Variants in FMN1 observed in about 807,000 individuals in gnomAD.
FMN1 encodes formin-1.
Under a neutral mutation model 132.4 loss-of-function variants are expected in FMN1, and 110 were observed. The observed-to-expected ratio is 0.83, with a 90% CI of 0.71 to 0.97. The LOEUF is 0.97. FMN1 is among the 50% of genes least tolerant of loss of function. The probability of loss-of-function intolerance (pLI) is 0.00; values close to 1 mark genes in which losing one functional copy is unlikely to be tolerated. For synonymous variants in FMN1, 722 were observed against 651.7 expected, an observed-to-expected ratio of 1.11 and a Z score of -1.64; for missense variants, 1,792 against 1,705.3, an observed-to-expected ratio of 1.05 and a Z score of -0.90.
rs916674626 is a variant in FMN1 at position 32,777,481 on chromosome 15, T to C, written c.4131-562A>G. On this transcript the variant is annotated intron_variant, in intron 19 of 20. Transcript: ENST00000616417. The stretch of plus-strand genomic sequence containing the variant: ...TTATATATTACGTATATTTATATAT[T>C]ATATTTATATATTACGTATAACATA... 1.0e-4 allele frequency among the ~76,000 whole-genome samples: 13 copies of C among 125,666 alleles called. 4 individuals are homozygous for C. Among genetic ancestry groups the C allele is most frequent in the Non-Finnish European group, 1.9e-4 (10 of 53,650 alleles). The allele number at this position is 125,666 out of a possible 152,430, so 82.4% of individuals were successfully genotyped here. A position where few individuals can be genotyped will look rare whatever the true frequency, so the allele number is the denominator to read the frequency against.
chr15:32,828,900 AG>A (rs1246470869), intron 17 of FMN1, among the ~76,000 whole-genome samples: 2 of 152,238 alleles, frequency 1.3e-5, no homozygotes, highest in African/African-American at 4.8e-5. Flanking sequence ...ACAGGGAGAT[AG>A]GTAGGTAAAA....
intron 4 of FMN1, among the ~76,000 whole-genome samples, chr15:33,113,542 C>A (rs1352314482): frequency 6.6e-6 from 1 of 152,094 alleles, no homozygotes; most frequent in Non-Finnish European, 1.5e-5. Context: ...AAGTACGACC[C>A]TGCTCCCCCA....
intron 6 of FMN1, 69 bp from the exon 7 acceptor site, chr15:33,008,144 C>T: frequency 8.3e-7 from 1 of 1,205,048 alleles, no homozygotes. Context: ...TCTACTGGTC[C>T]TCTTAGAAAT....
At chr15:32,997,012 A>G (rs2033811214) in intron 7 of FMN1, among the ~76,000 whole-genome samples, 1 of 152,226 alleles carries the variant, frequency 6.6e-6, no homozygotes, top group Admixed American at 6.5e-5. Flanking sequence ...CAAGCTGCAT[A>G]GAAGTCTAGC....
chr15:32,983,564 T>C (rs2032850019), intron 7 of FMN1, among the ~76,000 whole-genome samples: 1 of 152,264 alleles, frequency 6.6e-6, no homozygotes, highest in Non-Finnish European at 1.5e-5. Context: ...GTGAAACATA[T>C]ATGTTAGATG....
chr15:32,838,187 G>A (rs1472090875), intron 17 of FMN1, among the ~76,000 whole-genome samples: 1 of 152,098 alleles, frequency 6.6e-6, no homozygotes, highest in African/African-American at 2.4e-5. Context: ...ATAAGGGGGT[G>A]GAGGAGATGC....
rs186856288 is a variant in FMN1, at chr15:33,147,468, G to A, written c.1867+5580C>T. Among the ~76,000 whole-genome samples, 743 of 152,014 alleles carry A rather than the reference G, an allele frequency of 4.9e-3. 3 individuals are homozygous for A. The highest frequency in any genetic ancestry group is 7.9e-3 in the Non-Finnish European group (538 of 67,976). Reference sequence around the variant, plus strand: ...TTCTACACATCTTTGGAATTATTTCGGAAGGCTGTGCATATAGCCAAAGGC... The same window carrying A: ...TTCTACACATCTTTGGAATTATTTCAGAAGGCTGTGCATATAGCCAAAGGC... On this transcript the variant is annotated intron_variant, in intron 4 of 20. Transcript: ENST00000616417.
intron 9 of FMN1, among the ~76,000 whole-genome samples, chr15:32,951,146 G>A (rs916604385): frequency 9.2e-5 from 14 of 151,948 alleles, no homozygotes; most frequent in South Asian, 2.1e-4. Flanking sequence ...TACCAAAATC[G>A]GTCATTCTAC....
chr15:32,977,988 C>T (rs2032349890), intron 7 of FMN1, among the ~76,000 whole-genome samples: 1 of 151,950 alleles, frequency 6.6e-6, no homozygotes, highest in Non-Finnish European at 1.5e-5. Context: ...TCCCAAGAAG[C>T]TGGGACTACA....
chr15:32,845,899 C>T (rs2058843962), intron 17 of FMN1, among the ~76,000 whole-genome samples: 1 of 151,724 alleles, frequency 6.6e-6, no homozygotes, highest in Non-Finnish European at 1.5e-5. Context: ...TGTATGTTAT[C>T]TAATTTCATC....
intron 7 of FMN1, among the ~76,000 whole-genome samples, chr15:32,977,467 C>T (rs2032301810): frequency 6.6e-6 from 1 of 152,196 alleles, no homozygotes; most frequent in Non-Finnish European, 1.5e-5. Context: ...TCTTGGCTCT[C>T]AGGTGGAAAA....
In FMN1 at chr15:33,177,754, C is replaced by T. The variant is rs1408342481; in HGVS notation, c.-132+2444G>A. Among the ~76,000 whole-genome samples the T allele has an allele frequency of 2.0e-5, 3 of 152,156 alleles. No individual in the cohort carries two copies. The East Asian group carries it at 5.8e-4, about 29-fold the overall frequency. On this transcript the variant is annotated intron_variant, in intron 3 of 20. Coordinates refer to ENST00000616417, the MANE Select transcript of FMN1 (RefSeq NM_001277313.2). ...GTGCAGTGGTTCATGCCTGTAATCC[C>T]AGCACTCTGGGAGGCTGAAGCGCAT...
At chr15:33,178,436 C>A (rs952901174) in intron 3 of FMN1, among the ~76,000 whole-genome samples, 1 of 152,286 alleles carries the variant, frequency 6.6e-6, no homozygotes, top group East Asian at 1.9e-4. Flanking sequence ...GTCTCCATAT[C>A]CTGCTCTCGG....
intron 7 of FMN1, among the ~76,000 whole-genome samples, chr15:33,001,061 T>C (rs1334714383): frequency 1.3e-5 from 2 of 152,190 alleles, no homozygotes; most frequent in African/African-American, 4.8e-5. Flanking sequence ...GACGGGTGGA[T>C]CACTTGTGGT....
At chr15:32,967,093 T>C (rs1412408394) in intron 8 of FMN1, among the ~76,000 whole-genome samples, 1 of 152,268 alleles carries the variant, frequency 6.6e-6, no homozygotes, top group Non-Finnish European at 1.5e-5. Flanking sequence ...CTACTTTTCA[T>C]TTTGCTCAAA....
chr15:32,970,690 C>T (rs1241667847), intron 7 of FMN1: 1 of 152,052 alleles, frequency 6.6e-6, no homozygotes, highest in Non-Finnish European at 1.5e-5. Context: ...AAGGTATACA[C>T]ACAGGAAGCT....
At chr15:33,103,727 G>A (rs574720722) in intron 4 of FMN1, among the ~76,000 whole-genome samples, 1 of 152,164 alleles carries the variant, frequency 6.6e-6, no homozygotes, top group South Asian at 2.1e-4. Flanking sequence ...AGGTGCCAGG[G>A]TCTTTTCAGA....
At chr15:32,797,663 T>C (rs2140972864) in intron 19 of FMN1, among the ~76,000 whole-genome samples, 1 of 152,210 alleles carries the variant, frequency 6.6e-6, no homozygotes, top group East Asian at 1.9e-4. Flanking sequence ...CCCAAAGAAG[T>C]ACTGATGGGA....
At chr15:32,864,465 A>T (rs1024963401) in intron 16 of FMN1, among the ~76,000 whole-genome samples, 3 of 152,230 alleles carry the variant, frequency 2.0e-5, no homozygotes, top group Non-Finnish European at 2.9e-5. Flanking sequence ...AATGACCCAT[A>T]TGTGGAAAAT....
Sources: allele counts gnomAD v4.1 joint callset (sites outside exome capture counted in the v4.1 genomes callset), GRCh38; gene constraint gnomAD v4.1.1; transcripts MANE v1.5; gene names NCBI Gene and HGNC (gene_info 2026-07-23, HGNC 2026-07-21).